The following LGR4 variants were observed in gnomAD, a reference collection of about 807,000 sequenced individuals.
LGR4 encodes leucine rich repeat containing G protein-coupled receptor 4.
A neutral mutation model predicts 84.8 loss-of-function variants in LGR4; 44 were observed. That is an observed-to-expected ratio of 0.52 (90% CI 0.41 to 0.67). The LOEUF (loss-of-function observed/expected upper bound fraction) is 0.67, where lower values mean the gene tolerates loss of function less well. LGR4 is among the 30% of genes least tolerant of loss of function. The probability of loss-of-function intolerance (pLI) is 0.00; values close to 1 mark genes in which losing one functional copy is unlikely to be tolerated. For synonymous variants in LGR4, 429 were observed against 434.3 expected (o/e 0.99, Z 0.15); for missense variants, 1,032 against 1,131.4 (o/e 0.91, Z 1.26).
chr11:27,456,992 T>C (rs905466179), intron 1 of LGR4, among the ~76,000 whole-genome samples: 3 of 152,188 alleles, frequency 2.0e-5, no homozygotes, highest in African/African-American at 7.2e-5. Flanking sequence ...ATTTTGTTTC[T>C]CATTTCACCT....
intron 1 of LGR4, among the ~76,000 whole-genome samples, chr11:27,459,035 AAATCTATTAT>A (rs1461175081): frequency 1.3e-5 from 2 of 152,230 alleles, no homozygotes. Flanking sequence ...AATTTAAAGG[AAATCTATTAT>A]AATCAAGAAC....
chr11:27,383,330 G>C (rs2448007), intron 6 of LGR4, among the ~76,000 whole-genome samples: 48,562 of 152,024 alleles, frequency 0.32, 7,926 homozygotes, highest in South Asian at 0.43. Flanking sequence ...AAGAAACAAT[G>C]GCAAATAAAA....
rs550556421 is a variant in LGR4 at position 27,469,158 on chromosome 11, A to T, written c.185+2960T>A. 2.0e-5 allele frequency among the ~76,000 whole-genome samples: 3 copies of T among 152,362 alleles called. No homozygotes were observed. In the South Asian group the frequency reaches 6.2e-4, roughly 32 times the overall value. On this transcript the variant is annotated intron_variant, in intron 1 of 17. Transcript: ENST00000379214. ...GTTCAAAAACATAAATAGTTGCTAC[A>T]GGTGCAGCAAATGGTGTGAATACAG...
At chr11:27,385,767 G>T (rs536308089) in intron 4 of LGR4, among the ~76,000 whole-genome samples, 12 of 149,070 alleles carry the variant, frequency 8.0e-5, no homozygotes, top group Non-Finnish European at 1.5e-4. Flanking sequence ...AAAAACACTT[G>T]CAAAGTTCAT....
chr11:27,450,094 T>C (rs1310756748), intron 1 of LGR4, among the ~76,000 whole-genome samples: 7 of 152,248 alleles, frequency 4.6e-5, no homozygotes, highest in Admixed American at 6.5e-5. Context: ...AGTATTTTTA[T>C]TGTATAATAT....
At chr11:27,445,611 G>A (rs1334029971) in intron 1 of LGR4, among the ~76,000 whole-genome samples, 1 of 152,152 alleles carries the variant, frequency 6.6e-6, no homozygotes, top group African/African-American at 2.4e-5. Context: ...GGTTTCAGTG[G>A]CTCACACCTG....
intron 2 of LGR4, among the ~76,000 whole-genome samples, chr11:27,401,199 T>C (rs1038815672): frequency 3.9e-5 from 6 of 152,198 alleles, no homozygotes; most frequent in African/African-American, 1.4e-4. Context: ...TGCACAACAA[T>C]GAAAGCAGTA....
At chr11:27,397,315 A>G (rs1290130595) in intron 2 of LGR4, among the ~76,000 whole-genome samples, 1 of 152,120 alleles carries the variant, frequency 6.6e-6, no homozygotes, top group East Asian at 1.9e-4. Flanking sequence ...ACCTTAGACA[A>G]AGCTATCCCA....
chr11:27,408,507 T>G (rs975004677), intron 2 of LGR4, among the ~76,000 whole-genome samples: 1 of 152,114 alleles, frequency 6.6e-6, no homozygotes, highest in Admixed American at 6.6e-5. Flanking sequence ...TATGGAAAAT[T>G]AGCTGGATAT....
chr11:27,385,815 CAA>C (rs66507121), intron 4 of LGR4, among the ~76,000 whole-genome samples: 3 of 146,872 alleles, frequency 2.0e-5, no homozygotes, highest in Admixed American at 1.4e-4. Context: ...ATCAGGCATA[CAA>C]AAAAAAAAAA....
At position 27,366,084 on chromosome 11, in the gene LGR4, A is replaced by T. The variant is rs1032644150; in HGVS notation, c.*1783T>A. ...TAGTTTTTAAATGAATAAAATGAAA[A>T]GTTTTCAATAACCTGAATTTTGGAA... On this transcript the variant is annotated 3_prime_UTR_variant, in exon 18 of 18. Coordinates refer to ENST00000379214, the MANE Select transcript of LGR4 (RefSeq NM_018490.5). 2.0e-5 allele frequency: 3 copies of T among 152,550 alleles called. No homozygotes were observed. The highest frequency in any genetic ancestry group is 4.4e-5 in the Non-Finnish European group (3 of 67,980). The allele number at this position is 152,550 out of a possible 1,614,324, so 9.4% of individuals were successfully genotyped here. A position where few individuals can be genotyped will look rare whatever the true frequency, so the allele number is the denominator to read the frequency against.
At chr11:27,374,179 A>C in intron 13 of LGR4, 133 bp from the exon 14 acceptor site, 1 of 681,392 alleles carries the variant, frequency 1.5e-6, no homozygotes, top group Non-Finnish European at 2.6e-6. Flanking sequence ...AATCTTGGCC[A>C]GCAATATTTT....
intron 1 of LGR4, among the ~76,000 whole-genome samples, chr11:27,449,219 A>C (rs2133441878): frequency 6.6e-6 from 1 of 152,302 alleles, no homozygotes; most frequent in East Asian, 1.9e-4. Flanking sequence ...CATGCCTAAG[A>C]GTTTATTTTT....
chr11:27,440,664 G>A (rs1852057067), intron 1 of LGR4, among the ~76,000 whole-genome samples: 2 of 152,256 alleles, frequency 1.3e-5, no homozygotes, highest in African/African-American at 4.8e-5. Flanking sequence ...CAAAGACCCG[G>A]AGGCTTCTCT....
At chr11:27,452,860 C>G (rs1770966403) in intron 1 of LGR4, among the ~76,000 whole-genome samples, 2 of 151,352 alleles carry the variant, frequency 1.3e-5, no homozygotes, top group Admixed American at 1.3e-4. Flanking sequence ...AATCACTCAG[C>G]CTTAATACCG....
At chr11:27,395,036 A>G (rs1261746005) in intron 2 of LGR4, among the ~76,000 whole-genome samples, 1 of 152,138 alleles carries the variant, frequency 6.6e-6, no homozygotes, top group Non-Finnish European at 1.5e-5. Flanking sequence ...GCAATCTCAA[A>G]GGGACCCCGG....
intron 11 of LGR4, 34 bp downstream of exon 11, chr11:27,378,663 G>C: frequency 7.2e-7 from 1 of 1,394,758 alleles, no homozygotes; most frequent in Non-Finnish European, 1.0e-6. Context: ...ATAAACAAAA[G>C]GTATGAGGGG....
chr11:27,461,535 C>T (rs886333925), intron 1 of LGR4, among the ~76,000 whole-genome samples: 9 of 152,118 alleles, frequency 5.9e-5, no homozygotes, highest in African/African-American at 2.2e-4. Context: ...CTTGTCCAAC[C>T]CACAGCCCAC....
At position 27,380,975 on chromosome 11, in the gene LGR4, A is replaced by T; in HGVS notation, c.759-9T>A. On this transcript the variant is annotated splice_polypyrimidine_tract_variant and intron_variant, in intron 7 of 17. Transcript: ENST00000379214. ...AATTACTATGAAATCCTCTAGAAAG[A>T]TAGGAGAAAAGTATTTTGAAATGCA... 1 of 1,455,244 alleles carries T rather than the reference A, an allele frequency of 6.9e-7. No individual in the cohort carries two copies. The highest frequency in any genetic ancestry group is 9.6e-7 in the Non-Finnish European group (1 of 1,037,072). 90.1% of individuals were successfully genotyped at this position (1,455,244 alleles called of 1,614,324 possible).
Sources: allele counts gnomAD v4.1 joint callset (sites outside exome capture counted in the v4.1 genomes callset), GRCh38; gene constraint gnomAD v4.1.1; transcripts MANE v1.5; gene names NCBI Gene and HGNC (gene_info 2026-07-23, HGNC 2026-07-21).